TBX15: variants seen among roughly 807,000 people sequenced by gnomAD.
TBX15 encodes T-box transcription factor 15, also known as T-box transcription factor TBX15.
A neutral mutation model predicts 53.9 loss-of-function variants in TBX15; 18 were observed. The ratio of observed to expected loss-of-function variants is 0.33; its 90% CI spans 0.23 to 0.49. The LOEUF (loss-of-function observed/expected upper bound fraction) is 0.49, where lower values mean the gene tolerates loss of function less well. Ranked by LOEUF, TBX15 falls within the 20% of genes least tolerant of loss-of-function variation. TBX15 has a pLI of 0.98. For missense variants in TBX15, 692 were observed against 749.5 expected (o/e 0.92, Z 0.90); for synonymous variants, 295 against 278.0 (o/e 1.06, Z -0.61).
intron 6 of TBX15, among the ~76,000 whole-genome samples, chr1:118,900,325 T>G (rs550429598): frequency 4.5e-4 from 69 of 152,348 alleles, no homozygotes; most frequent in African/African-American, 1.6e-3. Context: ...TTCTTGGTAA[T>G]GTATTTCCAG....
intron 6 of TBX15, among the ~76,000 whole-genome samples, chr1:118,903,362 T>C (rs1654699773): frequency 6.6e-6 from 1 of 152,128 alleles, no homozygotes; most frequent in Admixed American, 6.6e-5. Flanking sequence ...ACATTTTCAA[T>C]CCAAAAAAGA....
At chr1:118,928,483 T>C (rs1415871896) in intron 2 of TBX15, among the ~76,000 whole-genome samples, 1 of 152,198 alleles carries the variant, frequency 6.6e-6, no homozygotes, top group Non-Finnish European at 1.5e-5. Context: ...TTTGCATTAA[T>C]TAATTCCAAA....
intron 6 of TBX15, among the ~76,000 whole-genome samples, chr1:118,907,210 C>G (rs1654865463): frequency 6.6e-6 from 1 of 152,158 alleles, no homozygotes; most frequent in Non-Finnish European, 1.5e-5. Context: ...GGGACAGTCC[C>G]ACCTGCAGCT....
At chr1:118,898,989 GC>G (rs1482414223) in intron 7 of TBX15, 38 bp downstream of exon 7, 1 of 1,597,292 alleles carries the variant, frequency 6.3e-7, no homozygotes, top group Admixed American at 1.7e-5. Flanking sequence ...TCTGTCCCTG[GC>G]CCTATCACTA....
At chr1:118,981,633 A>G (rs1657657633) in intron 1 of TBX15, among the ~76,000 whole-genome samples, 1 of 152,242 alleles carries the variant, frequency 6.6e-6, no homozygotes, top group Non-Finnish European at 1.5e-5. Flanking sequence ...TGAAGCCATT[A>G]GTGGCACTGA....
At chr1:118,971,185 G>A (rs1309834710) in intron 1 of TBX15, among the ~76,000 whole-genome samples, 1 of 152,144 alleles carries the variant, frequency 6.6e-6, no homozygotes, top group African/African-American at 2.4e-5. Context: ...TCAGGCAAAA[G>A]CTCCAAAAAA....
At chr1:118,969,493 G>C (rs1208191734) in intron 1 of TBX15, among the ~76,000 whole-genome samples, 1 of 152,150 alleles carries the variant, frequency 6.6e-6, no homozygotes, top group Non-Finnish European at 1.5e-5. Context: ...GAGACTTCTT[G>C]TTCTTCAGAG....
chr1:118,926,728 T>C, intron 2 of TBX15, 117 bp from the exon 3 acceptor site: 2 of 887,998 alleles, frequency 2.3e-6, no homozygotes, highest in Non-Finnish European at 3.6e-6. Context: ...TTTTTTGAGA[T>C]GGAGTCTCGC....
chr1:118,987,448 G>A, intron 1 of TBX15, 143 bp downstream of exon 1: 2 of 1,053,826 alleles, frequency 1.9e-6, no homozygotes, highest in South Asian at 3.4e-5. Flanking sequence ...GAGGCTCAGG[G>A]CATTTGCGCG....
chr1:118,948,096 T>A (rs1398935403), intron 1 of TBX15, among the ~76,000 whole-genome samples: 1 of 152,090 alleles, frequency 6.6e-6, no homozygotes, highest in Non-Finnish European at 1.5e-5. Flanking sequence ...CATCTGACCA[T>A]CTCCCCAGTG....
chr1:118,943,426 T>G (rs1316798744), intron 1 of TBX15, among the ~76,000 whole-genome samples: 1 of 152,128 alleles, frequency 6.6e-6, no homozygotes, highest in Non-Finnish European at 1.5e-5. Flanking sequence ...GAAAATGCCA[T>G]GTAAGGAAGC....
At chr1:118,936,830 G>C (rs969371435) in intron 1 of TBX15, among the ~76,000 whole-genome samples, 1 of 152,156 alleles carries the variant, frequency 6.6e-6, no homozygotes, top group African/African-American at 2.4e-5. Context: ...TACTGCCTAA[G>C]GATGTCCAGC....
chr1:118,905,506 C>A (rs1156793929), intron 6 of TBX15, among the ~76,000 whole-genome samples: 1 of 152,180 alleles, frequency 6.6e-6, no homozygotes, highest in African/African-American at 2.4e-5. Flanking sequence ...ATATGATAAA[C>A]AGCTATGGCC....
intron 7 of TBX15, among the ~76,000 whole-genome samples, chr1:118,888,699 A>G (rs938458799): frequency 6.6e-6 from 1 of 152,128 alleles, no homozygotes; most frequent in Non-Finnish European, 1.5e-5. Flanking sequence ...GCTCTCCCTG[A>G]TCTGGTGTTT....
chr1:118,888,083 G>A (rs988092199), intron 7 of TBX15, among the ~76,000 whole-genome samples: 2 of 152,130 alleles, frequency 1.3e-5, no homozygotes, highest in Admixed American at 6.6e-5. Flanking sequence ...TTTAAGAAAA[G>A]TAAAATGATT....
intron 3 of TBX15, 126 bp from the exon 4 acceptor site, chr1:118,924,943 G>T: frequency 9.7e-7 from 1 of 1,030,158 alleles, no homozygotes; most frequent in Non-Finnish European, 1.5e-6. Context: ...GAGAAGTAAT[G>T]GGAAAGAAAC....
At chr1:118,965,331 TGGAG>T (rs934760001) in intron 1 of TBX15, among the ~76,000 whole-genome samples, 2 of 152,088 alleles carry the variant, frequency 1.3e-5, no homozygotes, top group African/African-American at 4.8e-5. Context: ...ATGGAGAAGT[TGGAG>T]GGAGAACAGA....
intron 1 of TBX15, among the ~76,000 whole-genome samples, chr1:118,971,339 A>G (rs968750643): frequency 6.6e-6 from 1 of 152,238 alleles, no homozygotes; most frequent in Non-Finnish European, 1.5e-5. Context: ...GGTCACACCT[A>G]CAGGTGACTG....
rs535900513 is a variant in TBX15, at chr1:118,886,836, G to A, written c.1025-1320C>T. ...TCCAGAGACCACACTTTGGGTTAGAGGAACTCCAGATTCCTTTCATTTCCA... is the reference window on the plus strand; with the variant it reads ...TCCAGAGACCACACTTTGGGTTAGAAGAACTCCAGATTCCTTTCATTTCCA... On this transcript the variant is annotated intron_variant, in intron 7 of 7. Coordinates refer to ENST00000369429, the MANE Select transcript of TBX15 (RefSeq NM_001330677.2). Among the ~76,000 whole-genome samples the A allele has an allele frequency of 2.0e-5, 3 of 152,280 alleles. No individual in the cohort carries two copies. The South Asian group carries it at 6.2e-4, about 32-fold the overall frequency.
Sources: allele counts gnomAD v4.1 joint callset (sites outside exome capture counted in the v4.1 genomes callset), GRCh38; gene constraint gnomAD v4.1.1; transcripts MANE v1.5; gene names NCBI Gene and HGNC (gene_info 2026-07-23, HGNC 2026-07-21).